The following PCDHGB7 variants were observed in gnomAD, a reference collection of about 807,000 sequenced individuals.
PCDHGB7 encodes protocadherin gamma-B7.
Under a neutral mutation model 61.4 loss-of-function variants are expected in PCDHGB7, and 37 were observed. The observed-to-expected ratio is 0.60, with a 90% CI of 0.46 to 0.79. PCDHGB7 has a LOEUF of 0.79. PCDHGB7 is among the 30% of genes least tolerant of loss of function. The pLI is 0.00. For missense variants in PCDHGB7, 1,166 were observed against 1,202.5 expected, an observed-to-expected ratio of 0.97 and a Z score of 0.45; for synonymous variants, 464 against 503.5, an observed-to-expected ratio of 0.92 and a Z score of 1.05.
intron 1 of PCDHGB7, among the ~76,000 whole-genome samples, chr5:141,433,948 T>C (rs1473404279): frequency 2.0e-5 from 3 of 152,234 alleles, no homozygotes; most frequent in Non-Finnish European, 4.4e-5. Context: ...CATTGTTTCT[T>C]CTACAGTTGT....
rs1258752203 is a variant in PCDHGB7, at chr5:141,431,160, G to C, written c.2415+10886G>C. On this transcript the variant is annotated intron_variant, in intron 1 of 3. Coordinates refer to ENST00000398594, the MANE Select transcript of PCDHGB7 (RefSeq NM_018927.4). The surrounding 1 kb of genome is among the most constrained non-coding windows in gnomAD (Gnocchi z 4.8). ...ATTAACGACAATGCGCCTTACTTTC[G>C]TGAAAGTGAATTAGAAATAAAAATT... is the stretch of plus-strand genomic sequence containing the variant. The C allele has an allele frequency of 6.2e-7, 1 of 1,614,198 alleles. No homozygotes were observed. Among genetic ancestry groups the C allele is most frequent in the South Asian group, 1.1e-5 (1 of 91,084 alleles).
chr5:141,443,938 G>T (rs1330111540), intron 1 of PCDHGB7, among the ~76,000 whole-genome samples: 1 of 152,014 alleles, frequency 6.6e-6, no homozygotes, highest in Non-Finnish European at 1.5e-5. Context: ...CTCACAGCAG[G>T]TTTCCTTATT....
Position 141,485,342 on chromosome 5 carries a change from G to C in PCDHGB7, c.2416-9465G>C. 1.2e-6 allele frequency: 2 copies of C among 1,614,164 alleles called. No individual in the cohort carries two copies. Among genetic ancestry groups the C allele is most frequent in the Non-Finnish European group, 1.7e-6 (2 of 1,180,026 alleles). On this transcript the variant is annotated intron_variant, in intron 1 of 3. Coordinates refer to ENST00000398594, the MANE Select transcript of PCDHGB7 (RefSeq NM_018927.4). The surrounding 1 kb of genome is among the most constrained non-coding windows in gnomAD (Gnocchi z 5.7). The stretch of plus-strand genomic sequence containing the variant: ...CGCTCAAGATTTCCTGCTGGATACG[G>C]ACAGTCTGTCAGCTCGCAGGCTGCA...
rs756146067 is a variant in PCDHGB7, at chr5:141,477,534, G to C, written c.2416-17273G>C. On this transcript the variant is annotated intron_variant, in intron 1 of 3. Transcript: ENST00000398594. This position sits in a 1 kb window ranked among gnomAD's most constrained non-coding sequence, Gnocchi z 4.9. ...TACATTGAAGAAAACAACCTCCCCG[G>C]GGCTCCAATACTAAACCTAAGTGTC... 1.9e-6 allele frequency: 3 copies of C among 1,614,008 alleles called. No homozygotes were observed. Among genetic ancestry groups the C allele is most frequent in the East Asian group, 4.5e-5 (2 of 44,870 alleles).
Position 141,422,468 on chromosome 5 carries a change from A to T in PCDHGB7, c.2415+2194A>T, listed in dbSNP as rs555211298. On this transcript the variant is annotated intron_variant, in intron 1 of 3. Transcript: ENST00000398594. ...ATAACAAGCAGAGTGCTGGACAGGG[A>T]GTTGGTCCAGAGCTACAATATAACG... 59 of 1,613,640 alleles carry T rather than the reference A, an allele frequency of 3.7e-5. No homozygotes were observed. In the South Asian group the frequency reaches 4.7e-4, roughly 13 times the overall value.
At chr5:141,498,958 A>T (rs1200201746) in intron 2 of PCDHGB7, among the ~76,000 whole-genome samples, 2 of 123,248 alleles carry the variant, frequency 1.6e-5, no homozygotes, top group Admixed American at 1.8e-4. Flanking sequence ...AAAGAGAGAG[A>T]GGGAGGGAGG....
At chr5:141,430,947 G>T (rs1169662602) in intron 1 of PCDHGB7, 1 of 1,610,002 alleles carries the variant, frequency 6.2e-7, no homozygotes, top group Non-Finnish European at 8.5e-7. Flanking sequence ...GCGGAGCGCG[G>T]AGTCCGCATC....
At chr5:141,428,008 T>C (rs2097099623) in intron 1 of PCDHGB7, 4 of 1,601,848 alleles carry the variant, frequency 2.5e-6, no homozygotes, top group Admixed American at 3.3e-5. Context: ...CTCTTCGATA[T>C]AGTGCCACGC....
At chr5:141,428,147 G>A (rs771536400) in intron 1 of PCDHGB7, 2 of 1,589,610 alleles carry the variant, frequency 1.3e-6, no homozygotes, top group Admixed American at 1.7e-5. Context: ...GGCTGCACAC[G>A]GGAACCTGCT....
rs190948188 is a variant in PCDHGB7 at position 141,505,972 on chromosome 5, C to T, written c.2563+491C>T. Among the ~76,000 whole-genome samples the T allele has an allele frequency of 5.4e-4, 82 of 152,250 alleles. 1 individual carries two copies. The highest frequency in any genetic ancestry group is 1.9e-3 in the African/African-American group (79 of 41,558). ...GAAAGTGGGTGTAGAAATCCCCAGC[C>T]GAGAGAACACCTCCTCTTTATGCGA... On this transcript the variant is annotated intron_variant, in intron 3 of 3. Transcript: ENST00000398594.
At chr5:141,438,629 TATATATACAC>T (rs1412065186) in intron 1 of PCDHGB7, among the ~76,000 whole-genome samples, 590 of 47,950 alleles carry the variant, frequency 0.012, no homozygotes, top group African/African-American at 0.039. Flanking sequence ...TATATATATA[TATATATACAC>T]ACACACACAC....
chr5:141,422,115 T>C, intron 1 of PCDHGB7: 1 of 1,605,004 alleles, frequency 6.2e-7, no homozygotes, highest in South Asian at 1.1e-5. Context: ...TCCAATTGGA[T>C]TCACAAACTG....
Position 141,431,655 on chromosome 5 carries a change from G to A in PCDHGB7, c.2415+11381G>A, listed in dbSNP as rs199998405. On this transcript the variant is annotated intron_variant, in intron 1 of 3. Transcript: ENST00000398594. This position sits in a 1 kb window ranked among gnomAD's most constrained non-coding sequence, Gnocchi z 4.8. Reference sequence around the variant, plus strand: ...GTTTTCAAACTAGATTGTAATTCAGGGACAATATCAACAATAGGGGAGTTG... The same window carrying A: ...GTTTTCAAACTAGATTGTAATTCAGAGACAATATCAACAATAGGGGAGTTG... 52 of 1,614,208 alleles carry A rather than the reference G, an allele frequency of 3.2e-5. No individual in the cohort carries two copies. The highest frequency in any genetic ancestry group is 3.3e-4 in the Middle Eastern group (2 of 6,062).
intron 2 of PCDHGB7, among the ~76,000 whole-genome samples, chr5:141,500,935 C>A (rs1159997919): frequency 1.3e-5 from 2 of 151,694 alleles, no homozygotes; most frequent in Non-Finnish European, 2.9e-5. Flanking sequence ...GTGGCGCCAT[C>A]TCGGCTCACT....
chr5:141,451,209 G>C (rs556588482), intron 1 of PCDHGB7, among the ~76,000 whole-genome samples: 1 of 152,266 alleles, frequency 6.6e-6, no homozygotes, highest in African/African-American at 2.4e-5. Flanking sequence ...CCAAAACTTA[G>C]TGGCTTAAAA....
rs760070878 is a variant in PCDHGB7, at chr5:141,490,862, C to T, written c.2416-3945C>T. On this transcript the variant is annotated intron_variant, in intron 1 of 3. Coordinates refer to ENST00000398594, the MANE Select transcript of PCDHGB7 (RefSeq NM_018927.4). This position sits in a 1 kb window ranked among gnomAD's most constrained non-coding sequence, Gnocchi z 5.4. ...GTGGTGGGGGTTCGAGACTCCGGCTCTCCCCCATTGCATGCCAACACATCT... is the reference window on the plus strand; with the variant it reads ...GTGGTGGGGGTTCGAGACTCCGGCTTTCCCCCATTGCATGCCAACACATCT... 2.0e-5 allele frequency: 33 copies of T among 1,613,878 alleles called. No individual in the cohort carries two copies. Among genetic ancestry groups the T allele is most frequent in the Non-Finnish European group, 2.8e-5 (33 of 1,179,920 alleles).
chr5:141,425,483 C>A (rs1172308088), intron 1 of PCDHGB7, among the ~76,000 whole-genome samples: 2 of 152,304 alleles, frequency 1.3e-5, no homozygotes, highest in Non-Finnish European at 2.9e-5. Flanking sequence ...CTATGGCAAC[C>A]TACTAGGCTA....
At position 141,486,415 on chromosome 5, in the gene PCDHGB7, T is replaced by C. The variant is rs745877804; in HGVS notation, c.2416-8392T>C. On this transcript the variant is annotated intron_variant, in intron 1 of 3. Transcript: ENST00000398594. The surrounding 1 kb of genome is among the most constrained non-coding windows in gnomAD (Gnocchi z 5.0). ...CCCTGGTGACTGCTGGACCCTTGGA[T>C]CGAGAGGCCAAATCTAGCTATGACA... 6.2e-7 allele frequency: 1 copy of C among 1,614,176 alleles called. No individual in the cohort carries two copies. The highest frequency in any genetic ancestry group is 8.5e-7 in the Non-Finnish European group (1 of 1,180,022).
intron 1 of PCDHGB7, among the ~76,000 whole-genome samples, chr5:141,449,974 A>T (rs2098661108): frequency 6.6e-6 from 1 of 151,260 alleles, no homozygotes; most frequent in African/African-American, 2.4e-5. Context: ...TTTAGTCCAA[A>T]ATATCACACA....
Sources: allele counts gnomAD v4.1 joint callset (sites outside exome capture counted in the v4.1 genomes callset), GRCh38; gene constraint gnomAD v4.1.1; non-coding constraint Gnocchi (gnomAD v3.1); transcripts MANE v1.5; gene names NCBI Gene and HGNC (gene_info 2026-07-23, HGNC 2026-07-21).